The following SLC44A5 variants were observed in gnomAD, a reference collection of about 807,000 sequenced individuals.
SLC44A5 encodes solute carrier family 44 member 5, also known as choline transporter-like protein 5.
SLC44A5 carries 57 observed loss-of-function variants against 101.8 expected under a neutral mutation model. That is an observed-to-expected ratio of 0.56 (90% confidence interval 0.45 to 0.70). The LOEUF (loss-of-function observed/expected upper bound fraction) is 0.70. Ranked by LOEUF, SLC44A5 falls within the 30% of genes least tolerant of loss-of-function variation. The pLI is 0.00. For synonymous variants in SLC44A5, 281 were observed against 290.9 expected (o/e 0.97, Z 0.35); for missense variants, 737 against 853.1 (o/e 0.86, Z 1.70).
At chr1:75,697,321 C>A in the SLC44A5 span, among the ~76,000 whole-genome samples, 3 of 152,236 alleles carry the variant, frequency 2.0e-5, no homozygotes, top group Non-Finnish European at 2.9e-5. Context: ...CCATGCTAGA[C>A]ATTTAAATAT....
chr1:75,472,364 T>A (rs1667159845), intron 2 of SLC44A5, among the ~76,000 whole-genome samples: 1 of 152,168 alleles, frequency 6.6e-6, no homozygotes. Context: ...GTACCCATTC[T>A]GCAAAGTTAA....
At chr1:75,658,521 G>C in the SLC44A5 span, among the ~76,000 whole-genome samples, 31 of 152,218 alleles carry the variant, frequency 2.0e-4, no homozygotes, top group South Asian at 6.2e-3. Context: ...TGTGCTCCTG[G>C]ACAACAAATG....
the SLC44A5 span, among the ~76,000 whole-genome samples, chr1:75,671,720 T>A: frequency 6.6e-6 from 1 of 151,830 alleles, no homozygotes; most frequent in African/African-American, 2.4e-5. Flanking sequence ...AGAAAGAGAG[T>A]CACTTAGAAA....
chr1:75,577,305 G>T (rs1673427611), intron 1 of SLC44A5, among the ~76,000 whole-genome samples: 1 of 152,150 alleles, frequency 6.6e-6, no homozygotes, highest in African/African-American at 2.4e-5. Context: ...CATTAACTTT[G>T]CATATTTCTC....
rs573199247 is a variant in SLC44A5, at chr1:75,479,074, A to C, written c.13+62361T>G. On this transcript the variant is annotated intron_variant, in intron 2 of 23. Transcript: ENST00000370859. ...ATCTCTCAGACCACAGTGCAATCAA[A>C]CTAGAACTCAGGATTAAGAATCTCA... Among the ~76,000 whole-genome samples, 880 of 152,336 alleles carry C rather than the reference A, an allele frequency of 5.8e-3. 3 individuals are homozygous for C. Among genetic ancestry groups the C allele is most frequent in the African/African-American group, 0.02 (844 of 41,580 alleles).
At chr1:75,359,667 A>G (rs1044237032) in intron 3 of SLC44A5, among the ~76,000 whole-genome samples, 1 of 152,124 alleles carries the variant, frequency 6.6e-6, no homozygotes, top group Non-Finnish European at 1.5e-5. Flanking sequence ...ATTGATTTCA[A>G]TTCCTTTGGA....
At chr1:75,537,022 A>AT (rs2101938399) in intron 2 of SLC44A5, among the ~76,000 whole-genome samples, 1 of 49,346 alleles carries the variant, frequency 2.0e-5, no homozygotes, top group African/African-American at 3.9e-5. Context: ...AAAAAAAAAA[A>AT]AAAAAAAAAA....
At chr1:75,631,039 T>C in the SLC44A5 span, among the ~76,000 whole-genome samples, 2 of 152,240 alleles carry the variant, frequency 1.3e-5, no homozygotes, top group Non-Finnish European at 2.9e-5. Context: ...TTAGGGTATT[T>C]GTACCATCAA....
chr1:75,262,032 T>C (rs926401468), intron 6 of SLC44A5, among the ~76,000 whole-genome samples: 3 of 151,542 alleles, frequency 2.0e-5, no homozygotes, highest in African/African-American at 7.3e-5. Context: ...ACAGCCAGTA[T>C]CATACTGAAA....
intron 2 of SLC44A5, among the ~76,000 whole-genome samples, chr1:75,434,001 C>T (rs1169926023): frequency 6.6e-6 from 1 of 151,960 alleles, no homozygotes; most frequent in Non-Finnish European, 1.5e-5. Context: ...AAAACCACGC[C>T]CATGATTAAA....
chr1:75,412,664 A>T (rs892033881), intron 2 of SLC44A5, among the ~76,000 whole-genome samples: 1 of 152,200 alleles, frequency 6.6e-6, no homozygotes, highest in Non-Finnish European at 1.5e-5. Flanking sequence ...TCATCAGCTG[A>T]GTTTAAAAAA....
intron 2 of SLC44A5, among the ~76,000 whole-genome samples, chr1:75,410,674 C>T (rs1467900315): frequency 6.6e-6 from 1 of 152,044 alleles, no homozygotes; most frequent in Non-Finnish European, 1.5e-5. Context: ...ATCTAATGGC[C>T]ACATACAAAG....
intron 2 of SLC44A5, among the ~76,000 whole-genome samples, chr1:75,520,163 T>A (rs1396151620): frequency 6.6e-6 from 1 of 152,162 alleles, no homozygotes; most frequent in Non-Finnish European, 1.5e-5. Context: ...ATGATTATAT[T>A]TTAAGGGATA....
chr1:75,479,031 C>G (rs918952750), intron 2 of SLC44A5, among the ~76,000 whole-genome samples: 2 of 152,174 alleles, frequency 1.3e-5, no homozygotes, highest in African/African-American at 2.4e-5. Flanking sequence ...TGTAAAAGAA[C>G]AGAAATTATA....
chr1:75,658,266 G>A, the SLC44A5 span, among the ~76,000 whole-genome samples: 2 of 152,040 alleles, frequency 1.3e-5, no homozygotes, highest in South Asian at 4.2e-4. Context: ...TGTAGAGATG[G>A]GGTTTCACCA....
At chr1:75,276,892 G>A (rs540031984) in intron 5 of SLC44A5, among the ~76,000 whole-genome samples, 68 of 152,286 alleles carry the variant, frequency 4.5e-4, no homozygotes, top group Non-Finnish European at 9.3e-4. Context: ...CTGCAGAGCC[G>A]TGTGGAACAT....
the SLC44A5 span, among the ~76,000 whole-genome samples, chr1:75,671,162 T>C: frequency 6.6e-6 from 1 of 152,138 alleles, no homozygotes; most frequent in Admixed American, 6.5e-5. Flanking sequence ...GGTATAGGAA[T>C]TCCCCCATTG....
At chr1:75,396,333 G>T (rs1481645245) in intron 3 of SLC44A5, among the ~76,000 whole-genome samples, 2 of 152,084 alleles carry the variant, frequency 1.3e-5, no homozygotes, top group Non-Finnish European at 2.9e-5. Context: ...AGGTGAGCTG[G>T]GGTGATAAAG....
At chr1:75,500,028 G>T (rs565484495) in intron 2 of SLC44A5, among the ~76,000 whole-genome samples, 25 of 152,278 alleles carry the variant, frequency 1.6e-4, no homozygotes, top group African/African-American at 6.0e-4. Context: ...AAAGCCACCT[G>T]CTAAAGATGG....
Sources: gnomAD v4.1 joint callset for allele counts (sites outside exome capture counted in the v4.1 genomes callset) on GRCh38, gnomAD v4.1.1 for gene constraint, MANE v1.5 for transcripts, NCBI Gene and HGNC (gene_info 2026-07-23, HGNC 2026-07-21) for gene names.